The following PSD2 variants were observed in gnomAD, a reference collection of about 807,000 sequenced individuals.
The protein encoded by PSD2 is pleckstrin and Sec7 domain containing 2.
In PSD2, 38 loss-of-function variants were observed where a neutral mutation model predicts 69.8. The ratio of observed to expected loss-of-function variants is 0.54; its 90% CI spans 0.42 to 0.71. The LOEUF (loss-of-function observed/expected upper bound fraction) is 0.71. PSD2 is among the 30% of genes least tolerant of loss of function. The pLI, the probability that PSD2 is intolerant of heterozygous loss-of-function variation, is 0.00. For synonymous variants in PSD2, 412 were observed against 423.0 expected (o/e 0.97, Z 0.32); for missense variants, 943 against 1,014.5 (o/e 0.93, Z 0.96).
At chr5:139,745,472 G>A in the PSD2 span, among the ~76,000 whole-genome samples, 1 of 152,220 alleles carries the variant, frequency 6.6e-6, no homozygotes, top group Non-Finnish European at 1.5e-5. Context: ...CAGGAGACTG[G>A]GCAGGATTTG....
rs764443741 is a variant in PSD2 at position 139,833,723 on chromosome 5, T to C, written c.1291T>C (p.Cys431Arg). Residue 431 changes from cysteine to arginine, a missense_variant, in exon 8 of 15, where the codon TGT (cysteine) becomes CGT (arginine). Around this residue, in one of 3 missense-constraint regions of PSD2, gnomAD observed 312 missense variants for 400.7 expected, o/e 0.78. Coordinates refer to ENST00000274710, the MANE Select transcript of PSD2 (RefSeq NM_032289.4). ...HGHNIGKKMSCQQFIANLDQL... is the reference protein window; with the variant it reads ...HGHNIGKKMSRQQFIANLDQL... ...ACAGAACATTGGCAAAAAGATGTCC[T>C]GTCAGCAATTCATTGCCAACTTGGA... 6.2e-7 allele frequency: 1 copy of C among 1,614,050 alleles called. No individual in the cohort carries two copies. The highest frequency in any genetic ancestry group is 8.5e-7 in the Non-Finnish European group (1 of 1,179,888).
intron 1 of PSD2, among the ~76,000 whole-genome samples, chr5:139,803,040 A>G (rs1581710227): frequency 6.6e-6 from 1 of 152,372 alleles, no homozygotes; most frequent in Non-Finnish European, 1.5e-5. Context: ...CCAAACAGGC[A>G]TTACCTGAAA....
rs779474791 is a variant in PSD2 at position 139,830,592 on chromosome 5, T to TTCTCTTTC, written c.1270-3109_1270-3108insCTCTTTCT. ...TTTCTTTCTTTCTTTCTTTCTTTCTTTTTCTTTCTTTCTTTCTCTTTCTTT... is the reference window on the plus strand; with the variant it reads ...TTTCTTTCTTTCTTTCTTTCTTTCTTTCTCTTTCTTTCTTTCTTTCTTTCTCTTTCTTT... On this transcript the variant is annotated intron_variant, in intron 7 of 14. Coordinates refer to ENST00000274710, the MANE Select transcript of PSD2 (RefSeq NM_032289.4). Among the ~76,000 whole-genome samples the TTCTCTTTC allele has an allele frequency of 1.1e-3, 97 of 85,688 alleles. 2 individuals are homozygous for TTCTCTTTC. Among genetic ancestry groups the TTCTCTTTC allele is most frequent in the African/African-American group, 3.2e-3 (59 of 18,666 alleles). The allele number at this position is 85,688 out of a possible 152,430, so 56.2% of individuals were successfully genotyped here.
At chr5:139,791,678 C>T (rs1038908300), upstream of PSD2, among the ~76,000 whole-genome samples, 5 of 152,240 alleles carry the variant, frequency 3.3e-5, no homozygotes, top group East Asian at 7.7e-4. Flanking sequence ...CTGACAGATA[C>T]AACCTTGCAT....
chr5:139,782,899 T>C, the PSD2 span, among the ~76,000 whole-genome samples: 7 of 152,330 alleles, frequency 4.6e-5, no homozygotes, highest in Non-Finnish European at 8.8e-5. Flanking sequence ...TCAGTGATAT[T>C]AGGTACCCTC....
In PSD2 at chr5:139,840,128, GGCC is replaced by G; in HGVS notation, c.2072_2074del (p.Ala691del). ...TCGAGAGGGGCATCAAGTCCAAGGA[GGCC>G]GAGGAGTACCGGTTGAAGGAGCACT... is the stretch of plus-strand genomic sequence containing the variant. On this transcript the variant is annotated inframe_deletion, in exon 14 of 15. Transcript: ENST00000274710. 1 of 1,614,210 alleles carries G rather than the reference GGCC, an allele frequency of 6.2e-7. No homozygotes were observed.
At chr5:139,791,618 C>T (rs1442134051), upstream of PSD2, among the ~76,000 whole-genome samples, 1 of 151,008 alleles carries the variant, frequency 6.6e-6, no homozygotes, top group Non-Finnish European at 1.5e-5. Flanking sequence ...TCTCAGAAAA[C>T]AAAAAACAAA....
At chr5:139,798,421 C>T (rs1432009117) in intron 1 of PSD2, among the ~76,000 whole-genome samples, 1 of 152,228 alleles carries the variant, frequency 6.6e-6, no homozygotes, top group African/African-American at 2.4e-5. Context: ...CACAGCTCTG[C>T]ATGCTCAGGT....
At chr5:139,795,244 T>C (rs1759488174), upstream of PSD2, among the ~76,000 whole-genome samples, 2 of 152,100 alleles carry the variant, frequency 1.3e-5, no homozygotes, top group Admixed American at 6.5e-5. The surrounding 1 kb of genome is among the most constrained non-coding windows in gnomAD (Gnocchi z 4.5). Context: ...CCCGTGTGAC[T>C]CTAGGTCTCA....
chr5:139,762,894 C>A, the PSD2 span, among the ~76,000 whole-genome samples: 1 of 151,876 alleles, frequency 6.6e-6, no homozygotes. Flanking sequence ...GGGAGAGCAG[C>A]GGAGTCGCTG....
At chr5:139,788,100 T>TGCTG in the PSD2 span, among the ~76,000 whole-genome samples, 1 of 152,110 alleles carries the variant, frequency 6.6e-6, no homozygotes. Context: ...CTCCGCGCAG[T>TGCTG]GCTGGGCACT....
At chr5:139,755,306 G>A in the PSD2 span, among the ~76,000 whole-genome samples, 1 of 152,112 alleles carries the variant, frequency 6.6e-6, no homozygotes, top group Admixed American at 6.5e-5. Flanking sequence ...GTGTGAAATG[G>A]GTGGCTGAGA....
chr5:139,767,903 C>G, the PSD2 span, among the ~76,000 whole-genome samples: 1 of 152,240 alleles, frequency 6.6e-6, no homozygotes, highest in African/African-American at 2.4e-5. Flanking sequence ...AGTGACAAAG[C>G]CCCTACCAGG....
the PSD2 span, among the ~76,000 whole-genome samples, chr5:139,759,408 CGAT>C: frequency 6.7e-6 from 1 of 148,228 alleles, no homozygotes; most frequent in Non-Finnish European, 1.5e-5. Flanking sequence ...ATGCTGCCCC[CGAT>C]CGCGGTCACC....
chr5:139,765,870 G>A, the PSD2 span, among the ~76,000 whole-genome samples: 3 of 151,786 alleles, frequency 2.0e-5, no homozygotes, highest in African/African-American at 4.8e-5. Context: ...GAAGGGGCGC[G>A]CGCCCTCTGG....
the PSD2 span, among the ~76,000 whole-genome samples, chr5:139,788,184 C>A: frequency 3.3e-4 from 50 of 151,872 alleles, no homozygotes; most frequent in African/African-American, 9.2e-4. Flanking sequence ...CCCGCGCCCC[C>A]CCCCGAACCC....
the PSD2 span, among the ~76,000 whole-genome samples, chr5:139,789,729 C>G: frequency 1.3e-5 from 2 of 152,176 alleles, no homozygotes; most frequent in Non-Finnish European, 2.9e-5. Flanking sequence ...GAGGAAAATT[C>G]TTACCCTCAT....
chr5:139,836,977 C>A lies in PSD2; in HGVS notation c.1570C>A (p.His524Asn). The A allele has an allele frequency of 6.2e-7, 1 of 1,613,480 alleles. No homozygotes were observed. The highest frequency in any genetic ancestry group is 8.5e-7 in the Non-Finnish European group (1 of 1,179,668). ...GCACGGCGTCCTGACCCGGAAGACT[C>A]ACGCTGACATGGATGGCAAGAGGAG... The part of the protein sequence containing the change: ...YKHGVLTRKT[H>N]ADMDGKRTPR... Residue 524 changes from histidine (H) to asparagine (N), a missense_variant, in exon 10 of 15, where the codon CAC becomes AAC. Around this residue, in one of 3 missense-constraint regions of PSD2, gnomAD observed 312 missense variants for 400.7 expected, o/e 0.78. Coordinates refer to ENST00000274710, the MANE Select transcript of PSD2 (RefSeq NM_032289.4).
At chr5:139,789,658 T>G in the PSD2 span, among the ~76,000 whole-genome samples, 1 of 152,150 alleles carries the variant, frequency 6.6e-6, no homozygotes, top group Non-Finnish European at 1.5e-5. Flanking sequence ...TATGAGTGCT[T>G]CAGTAAATGC....
Sources: allele counts gnomAD v4.1 joint callset (sites outside exome capture counted in the v4.1 genomes callset), GRCh38; gene constraint gnomAD v4.1.1; regional missense constraint gnomAD v4.1.1; non-coding constraint Gnocchi (gnomAD v3.1); transcripts MANE v1.5; gene names NCBI Gene and HGNC (gene_info 2026-07-23, HGNC 2026-07-21).